The following NARS2 variants were observed in gnomAD, a reference collection of about 807,000 sequenced individuals.
NARS2 encodes the protein asparaginyl-tRNA synthetase.
Under a neutral mutation model 62.9 loss-of-function variants are expected in NARS2, and 60 were observed. That is an observed-to-expected ratio of 0.95 (90% CI 0.77 to 1.18). The LOEUF is 1.18. Among genes scored for constraint, NARS2 ranks in the 50% most tolerant of loss-of-function variants. The pLI, the probability that NARS2 is intolerant of heterozygous loss-of-function variation, is 0.00. For synonymous variants in NARS2, 196 were observed against 200.0 expected, an observed-to-expected ratio of 0.98 and a Z score of 0.17; for missense variants, 619 against 576.4, an observed-to-expected ratio of 1.07 and a Z score of -0.76.
chr11:78,554,775 A>G (rs1207082540), intron 5 of NARS2, among the ~76,000 whole-genome samples: 1 of 152,076 alleles, frequency 6.6e-6, no homozygotes, highest in Non-Finnish European at 1.5e-5. Context: ...ATCTTGCCTG[A>G]CTGCTGTGGC....
chr11:78,478,202 T>C (rs1307784191), intron 9 of NARS2, among the ~76,000 whole-genome samples: 1 of 152,066 alleles, frequency 6.6e-6, no homozygotes, highest in Non-Finnish European at 1.5e-5. Flanking sequence ...TTTATTAATT[T>C]ATTGATGAAA....
At chr11:78,529,615 A>C (rs1410067902) in intron 5 of NARS2, among the ~76,000 whole-genome samples, 1 of 152,228 alleles carries the variant, frequency 6.6e-6, no homozygotes, top group African/African-American at 2.4e-5. Flanking sequence ...CTGGAGGCTA[A>C]ACACAAACAG....
At chr11:78,473,590 G>A (rs1858965546) in intron 9 of NARS2, among the ~76,000 whole-genome samples, 1 of 152,130 alleles carries the variant, frequency 6.6e-6, no homozygotes, top group Admixed American at 6.5e-5. Flanking sequence ...TAATGCCCTG[G>A]CATGAAGATT....
chr11:78,443,956 T>C, intron 11 of NARS2, 198 bp from the exon 12 acceptor site: 1 of 357,018 alleles, frequency 2.8e-6, no homozygotes, highest in East Asian at 4.2e-5. Context: ...ACAAATGTAT[T>C]TTCTTCATAA....
rs1371909129 is a variant in NARS2, at chr11:78,566,094, C to T, written c.513+38G>A. On this transcript the variant is annotated intron_variant, in intron 4 of 13. Transcript: ENST00000281038. ...AACTGTTTTTAAACAGTTATTAAAA[C>T]TGTTTAAAGGGTCAAGAGGGAACTT... 2.0e-6 allele frequency: 3 copies of T among 1,527,492 alleles called. No homozygotes were observed. In the Admixed American group the frequency reaches 6.2e-5, roughly 32 times the overall value. The allele number at this position is 1,527,492 out of a possible 1,614,324, so 94.6% of individuals were successfully genotyped here. A position where few individuals can be genotyped will look rare whatever the true frequency, so the allele number is the denominator to read the frequency against.
intron 6 of NARS2, among the ~76,000 whole-genome samples, chr11:78,504,460 T>G (rs11822645): frequency 6.8e-6 from 1 of 146,564 alleles, no homozygotes; most frequent in African/African-American, 2.5e-5. Flanking sequence ...TTTTTTTCTG[T>G]GTAGGGTATA....
At chr11:78,529,116 A>C (rs1590818429) in intron 5 of NARS2, among the ~76,000 whole-genome samples, 180 bp from the exon 6 acceptor site, 2 of 152,252 alleles carry the variant, frequency 1.3e-5, no homozygotes, top group Non-Finnish European at 2.9e-5. Flanking sequence ...GAAAGTGCTA[A>C]TAAAGGCAAG....
intron 5 of NARS2, among the ~76,000 whole-genome samples, chr11:78,549,197 G>A (rs1023472064): frequency 1.3e-5 from 2 of 152,316 alleles, no homozygotes; most frequent in South Asian, 2.1e-4. Flanking sequence ...GACAGCTTTT[G>A]CCCCAGATCC....
At chr11:78,539,082 TAAG>T (rs897119845) in intron 5 of NARS2, among the ~76,000 whole-genome samples, 6 of 145,254 alleles carry the variant, frequency 4.1e-5, no homozygotes, top group African/African-American at 1.6e-4. Context: ...TAGATCATGA[TAAG>T]GAGTTTGAAT....
rs1203185811 is a variant in NARS2, at chr11:78,453,447, C to A, written c.1165-9689G>T. On this transcript the variant is annotated intron_variant, in intron 11 of 13. Coordinates refer to ENST00000281038, the MANE Select transcript of NARS2 (RefSeq NM_024678.6). The stretch of plus-strand genomic sequence containing the variant: ...CAATGCACTGAAAATAAAACTCAGA[C>A]CCTGAATTAAAAAAAAAACATAGGC... Among the ~76,000 whole-genome samples, 3 of 151,946 alleles carry A rather than the reference C, an allele frequency of 2.0e-5. No homozygotes were observed. In the East Asian group the frequency reaches 5.8e-4, roughly 29 times the overall value.
chr11:78,461,536 C>T (rs890717051), intron 11 of NARS2, among the ~76,000 whole-genome samples: 1 of 133,902 alleles, frequency 7.5e-6, no homozygotes, highest in Non-Finnish European at 1.5e-5. Context: ...GCTACTTCAA[C>T]GGTGTGATAG....
At chr11:78,478,150 T>C (rs771045106) in intron 9 of NARS2, among the ~76,000 whole-genome samples, 4 of 151,714 alleles carry the variant, frequency 2.6e-5, no homozygotes, top group African/African-American at 4.9e-5. Context: ...GTTTGAATTA[T>C]AGTTACATAG....
intron 6 of NARS2, among the ~76,000 whole-genome samples, chr11:78,506,204 G>A (rs1388496192): frequency 6.6e-6 from 1 of 152,160 alleles, no homozygotes; most frequent in Non-Finnish European, 1.5e-5. Context: ...ATCATCTTTT[G>A]TCAAAGACGT....
At chr11:78,478,330 C>CTA (rs1859194446) in intron 9 of NARS2, 108 bp downstream of exon 9, 2 of 368,048 alleles carry the variant, frequency 5.4e-6, no homozygotes, top group East Asian at 1.2e-4. Flanking sequence ...TATATATATC[C>CTA]TATATATATA....
intron 5 of NARS2, among the ~76,000 whole-genome samples, chr11:78,531,893 T>C (rs1208657640): frequency 6.6e-6 from 1 of 152,128 alleles, no homozygotes; most frequent in African/African-American, 2.4e-5. Flanking sequence ...GGGATGTAAC[T>C]ACTAAATGGG....
intron 5 of NARS2, among the ~76,000 whole-genome samples, chr11:78,530,119 A>G (rs1394521110): frequency 1.3e-5 from 2 of 151,980 alleles, no homozygotes; most frequent in Non-Finnish European, 2.9e-5. Flanking sequence ...TTTTTTTCAA[A>G]CTTACTTTGA....
chr11:78,478,489 C>CA lies in NARS2; in HGVS notation c.922-15dup. The CA allele has an allele frequency of 8.3e-7, 1 of 1,199,114 alleles. No individual in the cohort carries two copies. The highest frequency in any genetic ancestry group is 1.1e-6 in the Non-Finnish European group (1 of 875,638). 74.3% of individuals were successfully genotyped at this position (1,199,114 alleles called of 1,614,324 possible). ...TTCTAATCTGTCCTTAATAAAAAGA[C>CA]AAAAAAGAAAATTTTAAAAATATAA... On this transcript the variant is annotated splice_polypyrimidine_tract_variant and intron_variant, in intron 8 of 13. Transcript: ENST00000281038.
chr11:78,574,554 G>T lies in NARS2; in HGVS notation c.-66C>A, dbSNP rs990478545. The stretch of plus-strand genomic sequence containing the variant: ...CCACGGTTCGAACCCCGCCTGCAGC[G>T]GCCCTCCTTTCTCAGCTGCTCCCCT... On this transcript the variant is annotated 5_prime_UTR_variant, in exon 1 of 14. Coordinates refer to ENST00000281038, the MANE Select transcript of NARS2 (RefSeq NM_024678.6). 3 of 1,497,498 alleles carry T rather than the reference G, an allele frequency of 2.0e-6. No individual in the cohort carries two copies. The African/African-American group carries it at 4.2e-5, about 21-fold the overall frequency. 92.8% of individuals were successfully genotyped at this position (1,497,498 alleles called of 1,614,324 possible). A position where few individuals can be genotyped will look rare whatever the true frequency, so the allele number is the denominator to read the frequency against.
intron 13 of NARS2, among the ~76,000 whole-genome samples, chr11:78,437,997 A>G (rs564288685): frequency 9.7e-4 from 146 of 151,150 alleles, no homozygotes; most frequent in Admixed American, 1.7e-3. Context: ...AAGAAAGAAA[A>G]AAAAAAAAAG....
Sources: gnomAD v4.1 joint callset for allele counts (sites outside exome capture counted in the v4.1 genomes callset) on GRCh38, gnomAD v4.1.1 for gene constraint, MANE v1.5 for transcripts, NCBI Gene and HGNC (gene_info 2026-07-23, HGNC 2026-07-21) for gene names.